GPATCH11: variants seen among roughly 807,000 people sequenced by gnomAD.
GPATCH11 encodes the protein G-patch domain containing 11.
In GPATCH11, 32 loss-of-function variants were observed where a neutral mutation model predicts 44.8. That is an observed-to-expected ratio of 0.71 (90% CI 0.54 to 0.96). GPATCH11 has a LOEUF of 0.96. Ranked by LOEUF, GPATCH11 falls within the 40% of genes least tolerant of loss-of-function variation. GPATCH11 has a pLI of 0.00. For synonymous variants in GPATCH11, 84 were observed against 94.4 expected, an observed-to-expected ratio of 0.89 and a Z score of 0.64; for missense variants, 324 against 303.1, an observed-to-expected ratio of 1.07 and a Z score of -0.51.
chr2:37,094,338 A>T, intron 7 of GPATCH11, 143 bp downstream of exon 7: 1 of 571,132 alleles, frequency 1.8e-6, no homozygotes, highest in South Asian at 2.1e-5. Context: ...CCCACCAGAT[A>T]CCAGTTGCAC....
In GPATCH11 at chr2:37,096,369, G is replaced by A. The variant is rs1251436491; in HGVS notation, c.*106G>A. On this transcript the variant is annotated 3_prime_UTR_variant, in exon 9 of 9. Transcript: ENST00000674370. ...TTTTTTATGCCAGTAAAGAAAGGGG[G>A]ACTTTATATAATGTTTTGTTCTTTT... 5 of 683,118 alleles carry A rather than the reference G, an allele frequency of 7.3e-6. No individual in the cohort carries two copies. The highest frequency in any genetic ancestry group is 1.3e-5 in the Non-Finnish European group (5 of 391,650). The allele number at this position is 683,118 out of a possible 1,614,324, so 42.3% of individuals were successfully genotyped here.
chr2:37,089,898 C>G (rs1472823040), intron 3 of GPATCH11, 32 bp downstream of exon 3: 18 of 1,414,788 alleles, frequency 1.3e-5, no homozygotes, highest in Non-Finnish European at 1.6e-5. Flanking sequence ...ACAGGTATTC[C>G]TTACCACCTA....
intron 1 of GPATCH11, 60 bp downstream of exon 1, chr2:37,084,630 G>C: frequency 8.3e-7 from 1 of 1,205,556 alleles, no homozygotes. Flanking sequence ...AAGGCAGAGT[G>C]CGCTGGCCAT....
rs1220572780 is a variant in GPATCH11 at position 37,089,817 on chromosome 2, C to A, written c.237C>A (p.Ala79=). Residue 79 remains alanine (A), a synonymous_variant, in exon 3 of 9, where the codon GCC becomes GCA. Coordinates refer to ENST00000674370, the MANE Select transcript of GPATCH11 (RefSeq NM_174931.4). ...TAGGCTGTGAAAACAAAGGGTTTGC[C>A]TTGCTCCAAAAGATGGGCTATAAAA... ...NALGCENKGF[A]LLQKMGYKSG... 4.5e-6 allele frequency: 7 copies of A among 1,551,794 alleles called. No individual in the cohort carries two copies. The highest frequency in any genetic ancestry group is 6.1e-6 in the Non-Finnish European group (7 of 1,147,026).
rs1338983756 is a variant in GPATCH11 at position 37,095,483 on chromosome 2, A to G, written c.701A>G (p.His234Arg). The G allele has an allele frequency of 6.2e-7, 1 of 1,605,800 alleles. No individual in the cohort carries two copies. Among genetic ancestry groups the G allele is most frequent in the Non-Finnish European group, 8.5e-7 (1 of 1,176,834 alleles). ...QILTSYLREE[H>R]LYCIWCGTAY... ...TTGACTAGTTATTTAAGAGAAGAAC[A>G]TCTATATTGTATTTGGTGTGGAACA... Residue 234 changes from histidine to arginine, a missense_variant, in exon 8 of 9, where the codon CAT becomes CGT. Coordinates refer to ENST00000674370, the MANE Select transcript of GPATCH11 (RefSeq NM_174931.4).
At chr2:37,090,459 G>C (rs1558396942) in intron 3 of GPATCH11, among the ~76,000 whole-genome samples, 1 of 152,158 alleles carries the variant, frequency 6.6e-6, no homozygotes, top group Non-Finnish European at 1.5e-5. Context: ...TCCACCTTCA[G>C]GTGGCATAGG....
intron 2 of GPATCH11, 76 bp downstream of exon 2, chr2:37,088,516 AT>A: frequency 1.3e-6 from 1 of 760,522 alleles, no homozygotes; most frequent in Non-Finnish European, 2.1e-6. Context: ...ATTTTATTTT[AT>A]TTTATTTTAT....
chr2:37,090,684 G>A lies in GPATCH11; in HGVS notation c.290G>A (p.Gly97Asp). The change falls in exon 4 of 9, where the codon GGT becomes GAT. Residue 97 changes from glycine (G) to aspartate (D), a missense_variant. Physicochemically the swap from Gly to Asp is moderately conservative, Grantham distance 94. Transcript: ENST00000674370. The part of the protein sequence containing the change: ...KSGQALGKSG[G>D]GIVEPIPLNI... ...GTTTGTATTCATTCTCTTTAAGGGG[G>A]TGGTATTGTTGAACCAATTCCTCTC... The A allele has an allele frequency of 6.8e-7, 1 of 1,472,272 alleles. No homozygotes were observed. Among genetic ancestry groups the A allele is most frequent in the Non-Finnish European group, 9.3e-7 (1 of 1,080,116 alleles). 91.2% of individuals were successfully genotyped at this position (1,472,272 alleles called of 1,614,324 possible). A position where few individuals can be genotyped will look rare whatever the true frequency, so the allele number is the denominator to read the frequency against.
chr2:37,096,207 G>C lies in GPATCH11; in HGVS notation c.737-1G>C. On this transcript the variant is annotated splice_acceptor_variant, in intron 8 of 8. Transcript: ENST00000674370. LOFTEE classifies it high-confidence loss of function. ...TTTCATTTCCCTCACATAACTTACA[G>C]ATAAAGAAGACCTATCTTCAAATTG... The C allele has an allele frequency of 6.4e-7, 1 of 1,560,826 alleles. No individual in the cohort carries two copies. The highest frequency in any genetic ancestry group is 8.7e-7 in the Non-Finnish European group (1 of 1,144,744).
rs1035210646 is a variant in GPATCH11 at position 37,098,289 on chromosome 2, C to T, written c.*2026C>T. The T allele has an allele frequency of 7.9e-5, 12 of 150,958 alleles. No individual in the cohort carries two copies. The highest frequency in any genetic ancestry group is 1.3e-4 in the Non-Finnish European group (9 of 67,980). The allele number at this position is 150,958 out of a possible 1,614,324, so 9.4% of individuals were successfully genotyped here. A position where few individuals can be genotyped will look rare whatever the true frequency, so the allele number is the denominator to read the frequency against. Reference sequence around the variant, plus strand: ...AGTGAGCTGAGATCATGCTGCTGCACTCCAGCCTGGGTGACAGAGCAAGAC... The same window carrying T: ...AGTGAGCTGAGATCATGCTGCTGCATTCCAGCCTGGGTGACAGAGCAAGAC... On this transcript the variant is annotated 3_prime_UTR_variant, in exon 9 of 9. Coordinates refer to ENST00000674370, the MANE Select transcript of GPATCH11 (RefSeq NM_174931.4).
intron 2 of GPATCH11, 143 bp downstream of exon 2, chr2:37,088,583 T>C (rs1673159089): frequency 3.8e-6 from 2 of 524,266 alleles, no homozygotes; most frequent in Non-Finnish European, 6.9e-6. Context: ...TGGCACAATC[T>C]TAGCTCACTG....
rs756383466 is a variant in GPATCH11 at position 37,092,156 on chromosome 2, T to C, written c.450-9T>C. 3.2e-6 allele frequency: 5 copies of C among 1,549,218 alleles called. No individual in the cohort carries two copies. The highest frequency in any genetic ancestry group is 2.1e-5 in the Admixed American group (1 of 47,788). The stretch of plus-strand genomic sequence containing the variant: ...AGACCTTTAGTTTACAATTTTTTCT[T>C]TCAATTAGAATGCGACTTAAAAATA... On this transcript the variant is annotated splice_polypyrimidine_tract_variant and intron_variant, in intron 5 of 8. Transcript: ENST00000674370.
intron 4 of GPATCH11, 108 bp downstream of exon 4, chr2:37,090,830 A>G: frequency 1.7e-6 from 1 of 582,480 alleles, no homozygotes; most frequent in Non-Finnish European, 3.0e-6. Context: ...ATACTGTTAC[A>G]GTTCAGTAAA....
At chr2:37,090,865 T>A in intron 4 of GPATCH11, 143 bp downstream of exon 4, 1 of 548,582 alleles carries the variant, frequency 1.8e-6, no homozygotes. Context: ...CTAAACCTCT[T>A]CAACCAGAAA....
Position 37,092,285 on chromosome 2 carries a change from A to G in GPATCH11, c.540+30A>G, listed in dbSNP as rs368200096. On this transcript the variant is annotated intron_variant, in intron 6 of 8. Transcript: ENST00000674370. ...GCCTTTTACCAGCTTTCAGTTTAGT[A>G]AAGTGTTTTGGCACCCCCTGTGATT... is the stretch of plus-strand genomic sequence containing the variant. 1.4e-4 allele frequency: 170 copies of G among 1,244,852 alleles called. No individual in the cohort carries two copies. The African/African-American group carries it at 2.3e-3, about 17-fold the overall frequency. 77.1% of individuals were successfully genotyped at this position (1,244,852 alleles called of 1,614,324 possible).
At chr2:37,089,293 G>A (rs370561765) in intron 2 of GPATCH11, among the ~76,000 whole-genome samples, 4 of 152,166 alleles carry the variant, frequency 2.6e-5, no homozygotes, top group Non-Finnish European at 4.4e-5. Context: ...TTGGCCAGGC[G>A]TGGAAGCTCA....
chr2:37,091,845 A>T, intron 4 of GPATCH11, 71 bp from the exon 5 acceptor site: 1 of 1,422,514 alleles, frequency 7.0e-7, no homozygotes, highest in Non-Finnish European at 9.7e-7. Flanking sequence ...TTTAATTTGT[A>T]CATAGTTAAA....
chr2:37,085,935 G>C (rs1673007613), intron 1 of GPATCH11, among the ~76,000 whole-genome samples: 1 of 152,188 alleles, frequency 6.6e-6, no homozygotes, highest in Non-Finnish European at 1.5e-5. Flanking sequence ...TCATGAGTTT[G>C]TGCTGGCTTT....
intron 1 of GPATCH11, among the ~76,000 whole-genome samples, chr2:37,087,729 A>G (rs1673116807): frequency 6.6e-6 from 1 of 152,106 alleles, no homozygotes; most frequent in Admixed American, 6.6e-5. Context: ...CAGGGAAGAA[A>G]TGTTTGTACT....
Sources: allele counts gnomAD v4.1 joint callset (sites outside exome capture counted in the v4.1 genomes callset), GRCh38; gene constraint gnomAD v4.1.1; transcripts MANE v1.5; gene names NCBI Gene and HGNC (gene_info 2026-07-23, HGNC 2026-07-21).